Variants in PLAAT1 observed in about 807,000 individuals in gnomAD.
The protein encoded by PLAAT1 is H-REV107 protein-related protein.
Under a neutral mutation model 16.4 loss-of-function variants are expected in PLAAT1, and 13 were observed. The ratio of observed to expected loss-of-function variants is 0.79; its 90% CI spans 0.52 to 1.26. PLAAT1 has a LOEUF of 1.26. Ranked by LOEUF, PLAAT1 falls within the 50% of genes most tolerant of loss-of-function variation. The pLI, the probability that PLAAT1 is intolerant of heterozygous loss-of-function variation, is 0.00. For synonymous variants in PLAAT1, 73 were observed against 78.4 expected (o/e 0.93, Z 0.36); for missense variants, 218 against 207.8 (o/e 1.05, Z -0.30).
intron 2 of PLAAT1, among the ~76,000 whole-genome samples, chr3:193,276,370 GA>G (rs1717201203): frequency 6.6e-6 from 1 of 152,164 alleles, no homozygotes; most frequent in East Asian, 1.9e-4. Flanking sequence ...CTTTCTTATG[GA>G]AACCCTGCGG....
At chr3:193,273,736 A>G (rs974193224), downstream of PLAAT1, among the ~76,000 whole-genome samples, 1 of 152,232 alleles carries the variant, frequency 6.6e-6, no homozygotes, top group African/African-American at 2.4e-5. Context: ...GATATATAAA[A>G]GGTAATAGTG....
chr3:193,278,287 TC>T (rs1430824117), downstream of PLAAT1, among the ~76,000 whole-genome samples: 2 of 152,192 alleles, frequency 1.3e-5, no homozygotes, highest in African/African-American at 2.4e-5. Context: ...CATGTAGTCT[TC>T]CTGCCGTCAT....
intron 3 of PLAAT1, among the ~76,000 whole-genome samples, chr3:193,267,905 A>T (rs1716835005): frequency 6.6e-6 from 1 of 152,206 alleles, no homozygotes; most frequent in Non-Finnish European, 1.5e-5. Flanking sequence ...AACCATTTTA[A>T]TAGGCATCTT....
chr3:193,251,614 A>G (rs1184440090), intron 1 of PLAAT1, among the ~76,000 whole-genome samples: 3 of 152,128 alleles, frequency 2.0e-5, no homozygotes, highest in Non-Finnish European at 4.4e-5. Context: ...GGATGGTAAA[A>G]GTTGAACATT....
intron 1 of PLAAT1, among the ~76,000 whole-genome samples, chr3:193,248,028 T>C (rs1353717008): frequency 1.3e-5 from 2 of 152,322 alleles, no homozygotes; most frequent in South Asian, 4.1e-4. Flanking sequence ...CGGGACATTA[T>C]TGTATTGCAG....
At chr3:193,263,599 GTTTATT>G (rs768741064) in intron 3 of PLAAT1, among the ~76,000 whole-genome samples, 3 of 152,174 alleles carry the variant, frequency 2.0e-5, no homozygotes, top group Non-Finnish European at 4.4e-5. Context: ...TTGAATGGGA[GTTTATT>G]TACCAGTATC....
At chr3:193,264,642 T>C (rs1716715315) in intron 3 of PLAAT1, among the ~76,000 whole-genome samples, 1 of 152,130 alleles carries the variant, frequency 6.6e-6, no homozygotes, top group Non-Finnish European at 1.5e-5. Context: ...TAGCTGGGAT[T>C]ACAGGCATCT....
At chr3:193,257,661 C>G (rs1355590982) in intron 2 of PLAAT1, among the ~76,000 whole-genome samples, 1 of 152,192 alleles carries the variant, frequency 6.6e-6, no homozygotes, top group East Asian at 1.9e-4. Flanking sequence ...TTGAAGGATG[C>G]AAAGTATTGT....
chr3:193,264,538 CTGT>C (rs1716709243), intron 3 of PLAAT1, among the ~76,000 whole-genome samples: 1 of 148,894 alleles, frequency 6.7e-6, no homozygotes, highest in South Asian at 2.1e-4. Flanking sequence ...GAGCCTTGCT[CTGT>C]TGTCCAGGCT....
chr3:193,250,726 G>T (rs977327739), intron 1 of PLAAT1, among the ~76,000 whole-genome samples: 1 of 152,086 alleles, frequency 6.6e-6, no homozygotes, highest in African/African-American at 2.4e-5. Context: ...CACCCTCCTG[G>T]CAGGGAGAAA....
intron 1 of PLAAT1, among the ~76,000 whole-genome samples, chr3:193,244,936 C>T (rs1246570387): frequency 6.6e-6 from 1 of 152,228 alleles, no homozygotes; most frequent in Non-Finnish European, 1.5e-5. Context: ...GCCTGCCCCA[C>T]TTCTCAATAC....
chr3:193,254,605 T>A (rs1451527619), intron 1 of PLAAT1, among the ~76,000 whole-genome samples: 2 of 152,200 alleles, frequency 1.3e-5, no homozygotes, highest in Non-Finnish European at 2.9e-5. Context: ...TTATGTATTC[T>A]TTCTAAAAAG....
downstream of PLAAT1, chr3:193,279,373 C>G: frequency 1.2e-6 from 2 of 1,613,180 alleles, no homozygotes; most frequent in South Asian, 1.1e-5. Context: ...TACCTCCATT[C>G]CACGGTATAT....
At chr3:193,247,600 T>G (rs754579730) in intron 1 of PLAAT1, among the ~76,000 whole-genome samples, 1 of 152,248 alleles carries the variant, frequency 6.6e-6, no homozygotes, top group East Asian at 1.9e-4. Flanking sequence ...CTAGCTGAGC[T>G]AAGGAGTAAA....
intron 2 of PLAAT1, 129 bp from the exon 3 acceptor site, chr3:193,262,841 C>G: frequency 1.2e-6 from 1 of 868,296 alleles, no homozygotes; most frequent in South Asian, 1.7e-5. Flanking sequence ...GATTAAATGA[C>G]TTTGGTTTGA....
intron 3 of PLAAT1, 151 bp from the exon 4 acceptor site, chr3:193,270,453 A>T: frequency 3.8e-6 from 2 of 531,974 alleles, no homozygotes; most frequent in African/African-American, 1.9e-5. Context: ...CTTCATCTTT[A>T]TGCAGAATTT....
chr3:193,253,693 A>G (rs1038540032), intron 1 of PLAAT1, among the ~76,000 whole-genome samples: 1 of 152,140 alleles, frequency 6.6e-6, no homozygotes, highest in African/African-American at 2.4e-5. Context: ...GTAGAAGACT[A>G]AGAGAAGAGC....
upstream of PLAAT1, among the ~76,000 whole-genome samples, chr3:193,240,714 T>C (rs1185805606): frequency 6.8e-6 from 1 of 146,546 alleles, no homozygotes; most frequent in African/African-American, 2.5e-5. Context: ...CTATCTGGCG[T>C]GTGTGTGTGT....
downstream of PLAAT1, among the ~76,000 whole-genome samples, chr3:193,274,639 G>C (rs977465644): frequency 6.6e-6 from 1 of 152,186 alleles, no homozygotes; most frequent in Non-Finnish European, 1.5e-5. Flanking sequence ...ATATGTAAAT[G>C]TTCTTCACAA....
Sources: gnomAD v4.1 joint callset for allele counts (sites outside exome capture counted in the v4.1 genomes callset) on GRCh38, gnomAD v4.1.1 for gene constraint, MANE v1.5 for transcripts, NCBI Gene and HGNC (gene_info 2026-07-23, HGNC 2026-07-21) for gene names.